RPRD2: variants seen among roughly 807,000 people sequenced by gnomAD.
RPRD2 encodes regulation of nuclear pre-mRNA domain containing 2, also known as regulation of nuclear pre-mRNA domain-containing protein 2.
A neutral mutation model predicts 104.4 loss-of-function variants in RPRD2; 12 were observed. The observed-to-expected ratio is 0.11, with a 90% CI of 0.07 to 0.19. The LOEUF is 0.19. RPRD2 is among the 10% of genes least tolerant of loss of function. RPRD2 has a pLI of 1.00. For synonymous variants in RPRD2, 714 were observed against 684.9 expected (o/e 1.04, Z -0.66); for missense variants, 1,543 against 1,790.1 (o/e 0.86, Z 2.49).
intron 1 of RPRD2, among the ~76,000 whole-genome samples, chr1:150,383,299 A>G (rs1357083598): frequency 1.3e-5 from 2 of 149,412 alleles, no homozygotes; most frequent in Non-Finnish European, 3.0e-5. Flanking sequence ...CTGGCCTCAA[A>G]TAAGAGGTTT....
At chr1:150,409,567 T>C (rs1369981298) in intron 1 of RPRD2, among the ~76,000 whole-genome samples, 3 of 151,812 alleles carry the variant, frequency 2.0e-5, no homozygotes, top group South Asian at 2.1e-4. Context: ...AATTGTATAG[T>C]ATATTGGAAA....
chr1:150,424,032 T>G (rs1182108624), intron 2 of RPRD2, among the ~76,000 whole-genome samples: 1 of 152,006 alleles, frequency 6.6e-6, no homozygotes, highest in African/African-American at 2.4e-5. Context: ...CCTCAGGTGA[T>G]CCACCCGCCT....
chr1:150,473,132 G>A lies in RPRD2; in HGVS notation c.4184G>A (p.Ser1395Asn). The A allele has an allele frequency of 6.2e-7, 1 of 1,613,978 alleles. No homozygotes were observed. The highest frequency in any genetic ancestry group is 1.7e-5 in the Admixed American group (1 of 60,024). ...GGGGGGSNSS[S>N]GPPLGPSHRD... ...GGTGGGGGAGGCAGCAACAGCAGCA[G>A]TGGCCCCCCCTTGGGTCCCTCACAC... The change falls in exon 11 of 11, where the codon AGT (serine) becomes AAT (asparagine). Residue 1395 changes from serine (S) to asparagine (N), a missense_variant. Coordinates refer to ENST00000369068, the MANE Select transcript of RPRD2 (RefSeq NM_015203.5).
chr1:150,388,480 T>C (rs1320496920), intron 1 of RPRD2, among the ~76,000 whole-genome samples: 1 of 96,476 alleles, frequency 1.0e-5, no homozygotes, highest in East Asian at 2.8e-4. Flanking sequence ...ACACATACAC[T>C]ATATATATAT....
chr1:150,452,465 G>T (rs1177744687), intron 7 of RPRD2, among the ~76,000 whole-genome samples: 1 of 152,080 alleles, frequency 6.6e-6, no homozygotes, highest in African/African-American at 2.4e-5. Flanking sequence ...TGAATGTTTT[G>T]TGAGGAAGTA....
At chr1:150,445,577 C>T (rs1666701824) in intron 6 of RPRD2, among the ~76,000 whole-genome samples, 1 of 152,198 alleles carries the variant, frequency 6.6e-6, no homozygotes, top group Non-Finnish European at 1.5e-5. Flanking sequence ...GAGCTTCATT[C>T]TGTTATTCCT....
chr1:150,466,428 A>G (rs142329588), intron 10 of RPRD2, among the ~76,000 whole-genome samples: 2,053 of 150,346 alleles, frequency 0.014, 53 homozygotes, highest in African/African-American at 0.048. Flanking sequence ...GCATGCCTGT[A>G]GTTCCAGCTA....
Position 150,411,788 on chromosome 1 carries a change from C to CAAAAAA in RPRD2, c.206-5785_206-5780dup, listed in dbSNP as rs71086508. Reference sequence around the variant, plus strand: ...CCTGGACGACAGAGCTAGACTGTCTCAAAAAAAAAAAAAAAAAAAAAAAAA... The same window carrying CAAAAAA: ...CCTGGACGACAGAGCTAGACTGTCTCAAAAAAAAAAAAAAAAAAAAAAAAAAAAAAA... On this transcript the variant is annotated intron_variant, in intron 1 of 10. Coordinates refer to ENST00000369068, the MANE Select transcript of RPRD2 (RefSeq NM_015203.5). 5.2e-4 allele frequency among the ~76,000 whole-genome samples: 37 copies of CAAAAAA among 70,722 alleles called. 1 individual carries two copies. The highest frequency in any genetic ancestry group is 2.6e-3 in the African/African-American group (29 of 10,992). The allele number at this position is 70,722 out of a possible 152,430, so 46.4% of individuals were successfully genotyped here.
chr1:150,395,140 T>A (rs1245972102), intron 1 of RPRD2, among the ~76,000 whole-genome samples: 1 of 152,098 alleles, frequency 6.6e-6, no homozygotes, highest in Non-Finnish European at 1.5e-5. Context: ...TGTGGTCTTT[T>A]ATCCCTCACC....
intron 2 of RPRD2, among the ~76,000 whole-genome samples, chr1:150,426,448 TTG>T (rs1665128842): frequency 6.6e-6 from 1 of 152,292 alleles, no homozygotes; most frequent in African/African-American, 2.4e-5. Context: ...ATAGTACAGT[TTG>T]TCTCTTAGGG....
chr1:150,473,562 A>AAAAAAAAAAAAAAC lies in RPRD2; in HGVS notation c.*241_*242insCAAAAAAAAAAAAA, dbSNP rs1668743665. The AAAAAAAAAAAAAAC allele has an allele frequency of 4.3e-6, 1 of 231,060 alleles. No homozygotes were observed. Among genetic ancestry groups the AAAAAAAAAAAAAAC allele is most frequent in the Non-Finnish European group, 8.6e-6 (1 of 115,864 alleles). 14.3% of individuals were successfully genotyped at this position (231,060 alleles called of 1,614,324 possible). The stretch of plus-strand genomic sequence containing the variant: ...TTCCCCAAGTTGTTTGTATTAAAAA[A>AAAAAAAAAAAAAAC]AAAAAAAAAAAAAAAAAGTAAAGAA... On this transcript the variant is annotated 3_prime_UTR_variant, in exon 11 of 11. Coordinates refer to ENST00000369068, the MANE Select transcript of RPRD2 (RefSeq NM_015203.5).
chr1:150,411,799 A>C (rs1281274532), intron 1 of RPRD2, among the ~76,000 whole-genome samples: 34 of 68,616 alleles, frequency 5.0e-4, no homozygotes, highest in Admixed American at 1.6e-3. Context: ...AAAAAAAAAA[A>C]AAAAAAAAAA....
At chr1:150,433,770 A>G (rs1665786545) in intron 2 of RPRD2, among the ~76,000 whole-genome samples, 1 of 126,714 alleles carries the variant, frequency 7.9e-6, no homozygotes, top group African/African-American at 2.5e-5. Flanking sequence ...AAACTTCTAA[A>G]TAAGTTTTAC....
chr1:150,431,485 T>G (rs202146690), intron 2 of RPRD2, among the ~76,000 whole-genome samples: 62 of 142,032 alleles, frequency 4.4e-4, no homozygotes, highest in African/African-American at 1.3e-3. Context: ...TTTTTTTTTT[T>G]TTTTTTTTTT....
chr1:150,394,990 CT>C (rs778493520), intron 1 of RPRD2, among the ~76,000 whole-genome samples: 1 of 151,912 alleles, frequency 6.6e-6, no homozygotes, highest in Admixed American at 6.6e-5. Flanking sequence ...GGAAATAATT[CT>C]TTTTTTTAAA....
chr1:150,364,571 G>C lies in RPRD2; in HGVS notation c.-144G>C. Reference sequence around the variant, plus strand: ...TGTTCCCGTCCGTACCTCCAGAAGAGCCCAGCGCGTGCACCATCCCCACCC... The same window carrying C: ...TGTTCCCGTCCGTACCTCCAGAAGACCCCAGCGCGTGCACCATCCCCACCC... On this transcript the variant is annotated 5_prime_UTR_variant, in exon 1 of 11. Coordinates refer to ENST00000369068, the MANE Select transcript of RPRD2 (RefSeq NM_015203.5). 1.7e-6 allele frequency: 1 copy of C among 596,310 alleles called. No individual in the cohort carries two copies. Among genetic ancestry groups the C allele is most frequent in the East Asian group, 2.8e-5 (1 of 35,636 alleles). 36.9% of individuals were successfully genotyped at this position (596,310 alleles called of 1,614,324 possible).
chr1:150,448,967 A>G (rs1467722110), intron 7 of RPRD2, among the ~76,000 whole-genome samples: 1 of 152,180 alleles, frequency 6.6e-6, no homozygotes, highest in Non-Finnish European at 1.5e-5. Flanking sequence ...CTGACCTTAT[A>G]TTTAGAAATG....
At position 150,403,835 on chromosome 1, in the gene RPRD2, G is replaced by A. The variant is rs696617; in HGVS notation, c.206-13761G>A. 2.6e-5 allele frequency among the ~76,000 whole-genome samples: 4 copies of A among 151,844 alleles called. No homozygotes were observed. In the South Asian group the frequency reaches 6.2e-4, roughly 24 times the overall value. On this transcript the variant is annotated intron_variant, in intron 1 of 10. Coordinates refer to ENST00000369068, the MANE Select transcript of RPRD2 (RefSeq NM_015203.5). ...TTTTAGTAGAGATGGGATTTCGCCC[G>A]GTTGCCCAAACTGGCCTGAAACTCT...
intron 1 of RPRD2, among the ~76,000 whole-genome samples, chr1:150,408,491 A>G (rs1663663959): frequency 6.6e-6 from 1 of 152,216 alleles, no homozygotes; most frequent in Non-Finnish European, 1.5e-5. Context: ...CATAATTTAC[A>G]TAATGGTATA....
Sources: gnomAD v4.1 joint callset for allele counts (sites outside exome capture counted in the v4.1 genomes callset) on GRCh38, gnomAD v4.1.1 for gene constraint, MANE v1.5 for transcripts, NCBI Gene and HGNC (gene_info 2026-07-23, HGNC 2026-07-21) for gene names.